Variants in PLA2G4D observed in about 807,000 individuals in gnomAD.
PLA2G4D encodes cytosolic phospholipase A2 delta.
PLA2G4D carries 80 observed loss-of-function variants against 94.4 expected under a neutral mutation model. The observed-to-expected ratio is 0.85, with a 90% CI of 0.71 to 1.02. PLA2G4D has a LOEUF of 1.02. Ranked by LOEUF, PLA2G4D falls within the 50% of genes least tolerant of loss-of-function variation. PLA2G4D has a pLI of 0.00. For synonymous variants in PLA2G4D, 438 were observed against 440.9 expected (o/e 0.99, Z 0.08); for missense variants, 1,050 against 1,034.7 (o/e 1.01, Z -0.20).
Position 42,085,523 on chromosome 15 carries a change from C to T in PLA2G4D, c.396G>A (p.Glu132=). ...CCATCAGGAACTCCACATCCAGCTC[C>T]TCCTCTCCCTGAAATCAGAGAGCAT... is the stretch of plus-strand genomic sequence containing the variant. ...KTFSQSPQGE[E]ELDVEFLMEE... is the part of the protein sequence containing the mutation. The change falls in exon 5 of 20, where the codon GAG becomes GAA. Residue 132 remains glutamate (E), a synonymous_variant. Coordinates refer to ENST00000290472, the MANE Select transcript of PLA2G4D (RefSeq NM_178034.4). 1 of 1,613,454 alleles carries T rather than the reference C, an allele frequency of 6.2e-7. No individual in the cohort carries two copies. The highest frequency in any genetic ancestry group is 8.5e-7 in the Non-Finnish European group (1 of 1,179,358).
rs1441409913 is a variant in PLA2G4D, at chr15:42,069,084, G to A, written c.2231-143C>T. ...GTGTCCTTTGCCCAGGAATGTAAAT[G>A]TGGGTGGCAGGGTGCTCTTTGGATG... On this transcript the variant is annotated intron_variant, in intron 19 of 19. Transcript: ENST00000290472. 5 of 675,016 alleles carry A rather than the reference G, an allele frequency of 7.4e-6. No individual in the cohort carries two copies. In the African/African-American group the frequency reaches 9.0e-5, roughly 12 times the overall value. 41.8% of individuals were successfully genotyped at this position (675,016 alleles called of 1,614,324 possible).
At chr15:42,091,892 CA>C (rs2141105511) in intron 1 of PLA2G4D, among the ~76,000 whole-genome samples, 1 of 152,314 alleles carries the variant, frequency 6.6e-6, no homozygotes, top group African/African-American at 2.4e-5. Flanking sequence ...GCCCCCTGTC[CA>C]GTGGACACGT....
intron 14 of PLA2G4D, 81 bp downstream of exon 14, chr15:42,072,194 A>G: frequency 7.7e-7 from 1 of 1,292,752 alleles, no homozygotes; most frequent in Non-Finnish European, 1.1e-6. Flanking sequence ...CGGAGCTTCC[A>G]GCATGAATTC....
In PLA2G4D at chr15:42,070,811, T is replaced by C. The variant is rs754368020; in HGVS notation, c.1949A>G (p.Tyr650Cys). The change falls in exon 18 of 20, where the codon TAC (tyrosine) becomes TGC (cysteine). Residue 650 changes from tyrosine to cysteine, a missense_variant. Transcript: ENST00000290472. ...GGAGGGAGAGCTGGTGTTGATGAAGTAGGCGGCGTCCACCAGGCAGAGCCG... is the reference window on the plus strand; with the variant it reads ...GGAGGGAGAGCTGGTGTTGATGAAGCAGGCGGCGTCCACCAGGCAGAGCCG... ...EPRLCLVDAA[Y>C]FINTSSPSMF... 6.2e-7 allele frequency: 1 copy of C among 1,609,014 alleles called. No individual in the cohort carries two copies. The highest frequency in any genetic ancestry group is 8.5e-7 in the Non-Finnish European group (1 of 1,177,778).
chr15:42,073,908 A>G (rs1257322773), intron 13 of PLA2G4D, among the ~76,000 whole-genome samples: 2 of 152,236 alleles, frequency 1.3e-5, no homozygotes, highest in East Asian at 3.9e-4. Flanking sequence ...TCATGTGTCA[A>G]CCACAGTCAT....
At chr15:42,080,918 CAA>C (rs1367665659) in intron 12 of PLA2G4D, 77 bp downstream of exon 12, 13 of 1,518,558 alleles carry the variant, frequency 8.6e-6, no homozygotes, top group Admixed American at 4.1e-5. Flanking sequence ...CCTCCCCACA[CAA>C]AGTGTCCCTC....
rs756102287 is a variant in PLA2G4D at position 42,094,503 on chromosome 15, T to C, written c.-44A>G. On this transcript the variant is annotated 5_prime_UTR_variant, in exon 1 of 20. Transcript: ENST00000290472. ...ACTCCAGGCCCAGCCCTTGCCAAGA[T>C]GCTGGCTCTCTGGCTGAGTGGCAGC... 6.2e-7 allele frequency: 1 copy of C among 1,613,068 alleles called. No individual in the cohort carries two copies. The highest frequency in any genetic ancestry group is 2.2e-5 in the East Asian group (1 of 44,880).
chr15:42,083,998 A>C, intron 6 of PLA2G4D: 7 of 549,424 alleles, frequency 1.3e-5, no homozygotes, highest in South Asian at 2.3e-5. Flanking sequence ...CTGGCTCCAC[A>C]CCTCCCCTCC....
At chr15:42,072,481 T>C in intron 13 of PLA2G4D, 89 bp from the exon 14 acceptor site, 2 of 1,026,696 alleles carry the variant, frequency 1.9e-6, no homozygotes, top group South Asian at 1.4e-5. Flanking sequence ...ATGGGGGACC[T>C]GGCTGGGGGT....
chr15:42,077,766 G>A (rs574895517), intron 13 of PLA2G4D, among the ~76,000 whole-genome samples: 11 of 152,224 alleles, frequency 7.2e-5, no homozygotes, highest in African/African-American at 1.9e-4. Flanking sequence ...GCTTGGCCAG[G>A]GCCTACGCCC....
At chr15:42,069,539 C>A (rs1316697379) in intron 19 of PLA2G4D, among the ~76,000 whole-genome samples, 1 of 152,168 alleles carries the variant, frequency 6.6e-6, no homozygotes, top group Non-Finnish European at 1.5e-5. Context: ...AGAGGCCCAG[C>A]TCCCTGAGAA....
Position 42,081,603 on chromosome 15 carries a change from A to G in PLA2G4D, c.833T>C (p.Leu278Pro). ...GAGATTGAAGCCCAGGTGCACGGCC[A>G]GCTCCTCAGGGCTGTGGCAATGGAG... The part of the protein sequence containing the change: ...QLKAEGCPEE[L>P]AVHLGFNLCA... Residue 278 changes from leucine to proline, a missense_variant, in exon 11 of 20, where the codon CTG becomes CCG. Leu to Pro is a moderately conservative substitution (Grantham distance 98). Transcript: ENST00000290472. 1 of 1,614,114 alleles carries G rather than the reference A, an allele frequency of 6.2e-7. No homozygotes were observed. The highest frequency in any genetic ancestry group is 8.5e-7 in the Non-Finnish European group (1 of 1,179,984).
intron 4 of PLA2G4D, among the ~76,000 whole-genome samples, chr15:42,085,919 T>C (rs1339032165): frequency 6.6e-6 from 1 of 152,232 alleles, no homozygotes; most frequent in Non-Finnish European, 1.5e-5. Flanking sequence ...ACGTGAGGCC[T>C]TCACAAAGCA....
chr15:42,070,085 T>C lies in PLA2G4D; in HGVS notation c.2054A>G (p.Gln685Arg). ...SLSAPFEALQQTELYCRARGL... is the reference protein window; with the variant it reads ...SLSAPFEALQRTELYCRARGL... ...CCGGGCCCGGCAGTACAGCTCCGTCTGCTGCAGTGCCTGGTGGGGAGAAGG... is the reference window on the plus strand; with the variant it reads ...CCGGGCCCGGCAGTACAGCTCCGTCCGCTGCAGTGCCTGGTGGGGAGAAGG... The change falls in exon 19 of 20, where the codon CAG (glutamine) becomes CGG (arginine). Residue 685 changes from glutamine (Q) to arginine (R), a missense_variant. Transcript: ENST00000290472. The C allele has an allele frequency of 6.6e-7, 1 of 1,511,898 alleles. No individual in the cohort carries two copies. The highest frequency in any genetic ancestry group is 8.8e-7 in the Non-Finnish European group (1 of 1,131,618). The allele number at this position is 1,511,898 out of a possible 1,614,324, so 93.7% of individuals were successfully genotyped here. A position where few individuals can be genotyped will look rare whatever the true frequency, so the allele number is the denominator to read the frequency against.
At chr15:42,093,470 G>A (rs1281162261) in intron 1 of PLA2G4D, among the ~76,000 whole-genome samples, 1 of 152,186 alleles carries the variant, frequency 6.6e-6, no homozygotes, top group Non-Finnish European at 1.5e-5. Flanking sequence ...GACGGGTGGT[G>A]GAGCCAGGGC....
At chr15:42,086,118 C>G in intron 4 of PLA2G4D, 95 bp downstream of exon 4, 1 of 1,354,948 alleles carries the variant, frequency 7.4e-7, no homozygotes, top group Non-Finnish European at 1.0e-6. Flanking sequence ...GAGTTCACCC[C>G]AGCAGCCTCC....
chr15:42,071,858 C>T lies in PLA2G4D; in HGVS notation c.1489G>A (p.Val497Ile), dbSNP rs765518884. The T allele has an allele frequency of 7.3e-5, 118 of 1,614,048 alleles. No homozygotes were observed. Among genetic ancestry groups the T allele is most frequent in the Non-Finnish European group, 9.2e-5 (108 of 1,180,024 alleles). Reference sequence around the variant, plus strand: ...TCGGAGCCGAAGAGCTCAGGAGGGACGAAGGCCCCGTACTTCAGGAAACCG... The same window carrying T: ...TCGGAGCCGAAGAGCTCAGGAGGGATGAAGGCCCCGTACTTCAGGAAACCG... Reference protein sequence around the residue: ...EVGFLKYGAFVPPELFGSEFF... With the variant: ...EVGFLKYGAFIPPELFGSEFF... The change falls in exon 15 of 20, where the codon GTC becomes ATC. Residue 497 changes from valine to isoleucine, a missense_variant. By Grantham distance (29) the Val-to-Ile change is conservative. Coordinates refer to ENST00000290472, the MANE Select transcript of PLA2G4D (RefSeq NM_178034.4).
Position 42,084,821 on chromosome 15 carries a change from G to T in PLA2G4D, c.471+275C>A, listed in dbSNP as rs1408276754. ...TCCCTAGAACTATGAGTTCACCGCA[G>T]GTGACTAAACACCTTCCGGAAGCAC... On this transcript the variant is annotated intron_variant, in intron 6 of 19. Transcript: ENST00000290472. This position sits in a 1 kb window ranked among gnomAD's most constrained non-coding sequence, Gnocchi z 4.8. 2.0e-5 allele frequency among the ~76,000 whole-genome samples: 3 copies of T among 152,178 alleles called. No homozygotes were observed. The highest frequency in any genetic ancestry group is 7.2e-5 in the African/African-American group (3 of 41,438).
intron 12 of PLA2G4D, 118 bp downstream of exon 12, chr15:42,080,879 A>C: frequency 7.5e-7 from 1 of 1,330,852 alleles, no homozygotes; most frequent in Non-Finnish European, 1.0e-6. Context: ...CTTGGCGCCC[A>C]TCAGATCACA....
Sources: gnomAD v4.1 joint callset for allele counts (sites outside exome capture counted in the v4.1 genomes callset) on GRCh38, gnomAD v4.1.1 for gene constraint, Gnocchi (gnomAD v3.1) non-coding constraint, MANE v1.5 for transcripts, NCBI Gene and HGNC (gene_info 2026-07-23, HGNC 2026-07-21) for gene names.